Variants in CUX2 observed in about 807,000 individuals in gnomAD.
The protein encoded by CUX2 is homeobox protein cut-like 2.
In CUX2, 40 loss-of-function variants were observed where a neutral mutation model predicts 144.8. That is an observed-to-expected ratio of 0.28 (90% CI 0.21 to 0.36). The LOEUF (loss-of-function observed/expected upper bound fraction) is 0.36, where lower values mean the gene tolerates loss of function less well. CUX2 is among the 10% of genes least tolerant of loss of function. The pLI is 1.00. For synonymous variants in CUX2, 827 were observed against 875.6 expected, an observed-to-expected ratio of 0.94 and a Z score of 0.98; for missense variants, 1,615 against 1,994.0, an observed-to-expected ratio of 0.81 and a Z score of 3.62.
chr12:111,042,496 G>A (rs1046748548), intron 1 of CUX2, among the ~76,000 whole-genome samples: 1 of 152,178 alleles, frequency 6.6e-6, no homozygotes, highest in African/African-American at 2.4e-5. Flanking sequence ...AGCAGGCCTC[G>A]GTTCAAATCC....
intron 1 of CUX2, among the ~76,000 whole-genome samples, chr12:111,129,191 T>C (rs1179962992): frequency 4.6e-5 from 7 of 152,234 alleles, no homozygotes; most frequent in African/African-American, 7.2e-5. Context: ...GGCATGCAAA[T>C]GTCTTACCAA....
rs2136021258 is a variant in CUX2 at position 111,061,686 on chromosome 12, T to C, written c.63+27446T>C. ...CTGTCTTTCGGACAAGCGTTTTACC[T>C]GCCCGATGTTCTGTGAAGTGAGTGG... is the stretch of plus-strand genomic sequence containing the variant. On this transcript the variant is annotated intron_variant, in intron 1 of 21. Coordinates refer to ENST00000261726, the MANE Select transcript of CUX2 (RefSeq NM_015267.4). This position sits in a 1 kb window ranked among gnomAD's most constrained non-coding sequence, Gnocchi z 4.2. Among the ~76,000 whole-genome samples the C allele has an allele frequency of 6.6e-6, 1 of 152,336 alleles. No homozygotes were observed. Among genetic ancestry groups the C allele is most frequent in the South Asian group, 2.1e-4 (1 of 4,826 alleles).
intron 3 of CUX2, among the ~76,000 whole-genome samples, chr12:111,253,016 T>A (rs1883639281): frequency 6.6e-6 from 1 of 151,924 alleles, no homozygotes; most frequent in Admixed American, 6.6e-5. Flanking sequence ...AAGGAGCAAA[T>A]CCTGTGGCTC....
At position 111,157,950 on chromosome 12, in the gene CUX2, T is replaced by C. The variant is rs181191540; in HGVS notation, c.64-56250T>C. Among the ~76,000 whole-genome samples the C allele has an allele frequency of 1.2e-3, 180 of 152,222 alleles. 2 individuals carry two copies. Among genetic ancestry groups the C allele is most frequent in the Admixed American group, 0.011 (165 of 15,286 alleles). On this transcript the variant is annotated intron_variant, in intron 1 of 21. Transcript: ENST00000261726. ...ATGAGACCACATGAATGCCATGTTG[T>C]CTCCACCTGAAATTGTTTAGGAATC... is the stretch of plus-strand genomic sequence containing the variant.
intron 1 of CUX2, among the ~76,000 whole-genome samples, chr12:111,189,012 A>C (rs1237925005): frequency 6.6e-6 from 1 of 152,184 alleles, no homozygotes; most frequent in African/African-American, 2.4e-5. Context: ...GACCAGGCAC[A>C]GTGGCTCACA....
chr12:111,125,376 G>C (rs1016004948), intron 1 of CUX2, among the ~76,000 whole-genome samples: 4 of 152,070 alleles, frequency 2.6e-5, no homozygotes, highest in Non-Finnish European at 5.9e-5. Context: ...ACAAGGTTTT[G>C]CCATGTTGAC....
chr12:111,267,427 T>G (rs770891747), intron 4 of CUX2, among the ~76,000 whole-genome samples: 5 of 152,178 alleles, frequency 3.3e-5, no homozygotes, highest in Non-Finnish European at 1.5e-5. Flanking sequence ...AACTCGCTTC[T>G]CTGTGGCACA....
rs1438751369 is a variant in CUX2, at chr12:111,347,428, G to A, written c.3660-96G>A. 7 of 1,162,614 alleles carry A rather than the reference G, an allele frequency of 6.0e-6. No individual in the cohort carries two copies. In the African/African-American group the frequency reaches 9.2e-5, roughly 15 times the overall value. 72.0% of individuals were successfully genotyped at this position (1,162,614 alleles called of 1,614,324 possible). A position where few individuals can be genotyped will look rare whatever the true frequency, so the allele number is the denominator to read the frequency against. On this transcript the variant is annotated intron_variant, in intron 21 of 21. Coordinates refer to ENST00000261726, the MANE Select transcript of CUX2 (RefSeq NM_015267.4). ...AGGCTTAGTGCCTAGAGAGCCCCAG[G>A]GCAGTGGGTGGGACCAAAATGCCAT...
chr12:111,235,041 C>G (rs1339067569), intron 3 of CUX2, among the ~76,000 whole-genome samples: 1 of 152,148 alleles, frequency 6.6e-6, no homozygotes, highest in Non-Finnish European at 1.5e-5. Flanking sequence ...TTCTGACCCT[C>G]AGTTTTCTCA....
Position 111,096,534 on chromosome 12 carries a change from G to A in CUX2, c.63+62294G>A, listed in dbSNP as rs138040119. On this transcript the variant is annotated intron_variant, in intron 1 of 21. Transcript: ENST00000261726. ...CTCACAGAGGCAAAGTCACTTGCCC[G>A]AGGCCCCATAGCCATCCCGTGGTCC... Among the ~76,000 whole-genome samples, 871 of 152,230 alleles carry A rather than the reference G, an allele frequency of 5.7e-3. 10 individuals are homozygous for A. The highest frequency in any genetic ancestry group is 0.019 in the African/African-American group (773 of 41,532).
chr12:111,194,400 ATC>A (rs1035535814), intron 1 of CUX2, among the ~76,000 whole-genome samples: 2 of 152,182 alleles, frequency 1.3e-5, no homozygotes, highest in Non-Finnish European at 2.9e-5. Flanking sequence ...TCCCCAGTAA[ATC>A]TGTTTTGTTT....
At chr12:111,333,268 G>T (rs746809417) in intron 18 of CUX2, among the ~76,000 whole-genome samples, 1 of 151,874 alleles carries the variant, frequency 6.6e-6, no homozygotes, top group South Asian at 2.1e-4. Flanking sequence ...CCTGTGGTCC[G>T]AGCTGCTTGG....
intron 1 of CUX2, among the ~76,000 whole-genome samples, chr12:111,211,235 A>T (rs1881209958): frequency 6.6e-6 from 1 of 152,202 alleles, no homozygotes; most frequent in Non-Finnish European, 1.5e-5. Context: ...AAGAACGTGG[A>T]TGTCAGTGAC....
In CUX2 at chr12:111,121,362, CT is replaced by C. The variant is rs1315899389; in HGVS notation, c.63+87128del. On this transcript the variant is annotated intron_variant, in intron 1 of 21. Transcript: ENST00000261726. ...TTTTTCTTTCTTTTTGTTTTCTTTT[CT>C]TTTTTCTTTTTTTTTTTTTTTTTTT... is the stretch of plus-strand genomic sequence containing the variant. Among the ~76,000 whole-genome samples the C allele has an allele frequency of 2.9e-5, 3 of 103,726 alleles. No homozygotes were observed. The South Asian group carries it at 8.7e-4, about 30-fold the overall frequency. 68.0% of individuals were successfully genotyped at this position (103,726 alleles called of 152,430 possible).
intron 3 of CUX2, among the ~76,000 whole-genome samples, chr12:111,225,946 C>G (rs575831604): frequency 6.6e-6 from 1 of 152,270 alleles, no homozygotes; most frequent in Admixed American, 6.5e-5. Flanking sequence ...CTACTGCCCC[C>G]GACATGCACA....
chr12:111,162,554 T>A (rs1398481823), intron 1 of CUX2, among the ~76,000 whole-genome samples: 11 of 152,196 alleles, frequency 7.2e-5, no homozygotes, highest in Non-Finnish European at 4.4e-5. Context: ...GACAGCTCTC[T>A]CCATCACAGC....
At chr12:111,270,100 A>C (rs2136299793) in intron 4 of CUX2, 1 of 152,312 alleles carries the variant, frequency 6.6e-6, no homozygotes, top group Admixed American at 6.5e-5. Context: ...ACCAAATGTC[A>C]AATGTGTGTT....
intron 1 of CUX2, among the ~76,000 whole-genome samples, chr12:111,192,128 T>C (rs953495584): frequency 1.3e-5 from 2 of 151,910 alleles, no homozygotes; most frequent in Non-Finnish European, 2.9e-5. Flanking sequence ...ATTTGTTTAT[T>C]TATTTATTTA....
In CUX2 at chr12:111,263,483, G is replaced by A. The variant is rs1466625485; in HGVS notation, c.223-278G>A. Among the ~76,000 whole-genome samples the A allele has an allele frequency of 6.6e-6, 1 of 152,154 alleles. No homozygotes were observed. The highest frequency in any genetic ancestry group is 2.4e-5 in the African/African-American group (1 of 41,418). ...TAGCTGGGCATGGTGGCAGGCACCT[G>A]TAGTGGTAGCAGGCACCTGTAATCC... On this transcript the variant is annotated intron_variant, in intron 3 of 21. Transcript: ENST00000261726. This position sits in a 1 kb window ranked among gnomAD's most constrained non-coding sequence, Gnocchi z 4.0.
Sources: allele counts gnomAD v4.1 joint callset (sites outside exome capture counted in the v4.1 genomes callset), GRCh38; gene constraint gnomAD v4.1.1; non-coding constraint Gnocchi (gnomAD v3.1); transcripts MANE v1.5; gene names NCBI Gene and HGNC (gene_info 2026-07-23, HGNC 2026-07-21).